Variants in ADGRV1 observed in about 807,000 individuals in gnomAD.
ADGRV1 encodes the protein adhesion G protein-coupled receptor V1.
In ADGRV1, 359 loss-of-function variants were observed where a neutral mutation model predicts 596.2. The observed-to-expected ratio is 0.60, with a 90% confidence interval of 0.55 to 0.66. The LOEUF (loss-of-function observed/expected upper bound fraction) is 0.66, where lower values mean the gene tolerates loss of function less well. Among genes scored for constraint, ADGRV1 ranks in the 30% least tolerant of loss-of-function variants. The probability of loss-of-function intolerance (pLI) is 0.00; values close to 1 mark genes in which losing one functional copy is unlikely to be tolerated. For synonymous variants in ADGRV1, 2,681 were observed against 2,679.2 expected (o/e 1.00, Z -0.02); for missense variants, 7,274 against 7,575.6 (o/e 0.96, Z 1.48).
At chr5:91,122,190 A>G (rs539018605) in intron 87 of ADGRV1, among the ~76,000 whole-genome samples, 104 of 152,078 alleles carry the variant, frequency 6.8e-4, no homozygotes, top group Non-Finnish European at 1.1e-3. Flanking sequence ...GTTTATAAAT[A>G]CTCTATATGT....
chr5:90,686,581 A>G (rs1351153607), intron 29 of ADGRV1, among the ~76,000 whole-genome samples: 1 of 152,090 alleles, frequency 6.6e-6, no homozygotes, highest in Non-Finnish European at 1.5e-5. Flanking sequence ...TCCATGGTGT[A>G]TATGTGCCAC....
At chr5:90,679,706 C>T in intron 26 of ADGRV1, 77 bp downstream of exon 26, 1 of 880,412 alleles carries the variant, frequency 1.1e-6, no homozygotes. Context: ...ATACTAACCA[C>T]TTATTGACAC....
chr5:90,961,153 G>C (rs1405039915), intron 83 of ADGRV1, among the ~76,000 whole-genome samples: 1 of 152,036 alleles, frequency 6.6e-6, no homozygotes, highest in East Asian at 1.9e-4. Flanking sequence ...GGATAGTCTA[G>C]GTATCTGCCA....
At chr5:91,111,178 C>T in intron 87 of ADGRV1, among the ~76,000 whole-genome samples, 1 of 152,106 alleles carries the variant, frequency 6.6e-6, no homozygotes, top group Non-Finnish European at 1.5e-5. Flanking sequence ...GTCTTAAACA[C>T]ATAAAACATT....
At chr5:91,055,843 A>T (rs911162778) in intron 85 of ADGRV1, among the ~76,000 whole-genome samples, 20 of 152,238 alleles carry the variant, frequency 1.3e-4, no homozygotes, top group African/African-American at 4.8e-4. Context: ...ATGAATTTTA[A>T]ATCATTTTAT....
chr5:90,667,929 A>G (rs1317569833), intron 21 of ADGRV1, among the ~76,000 whole-genome samples: 144 of 152,050 alleles, frequency 9.5e-4, no homozygotes, highest in African/African-American at 3.2e-3. Context: ...CTCGGGGGTC[A>G]GGGGTCAGGC....
At chr5:90,722,053 A>G (rs778508409) in intron 45 of ADGRV1, among the ~76,000 whole-genome samples, 7 of 152,248 alleles carry the variant, frequency 4.6e-5, no homozygotes, top group Non-Finnish European at 7.3e-5. Flanking sequence ...CGAGTGGTTT[A>G]GGAATGGAGG....
In ADGRV1 at chr5:90,568,220, A is replaced by G. The variant is rs151184554; in HGVS notation, c.22+9303A>G. ...GGTGGCAGTTTAGGTTCTTTATTTG[A>G]GATCTTTCCTTTTTTTAATATATGC... On this transcript the variant is annotated intron_variant, in intron 1 of 89. Coordinates refer to ENST00000405460, the MANE Select transcript of ADGRV1 (RefSeq NM_032119.4). 1.3e-3 allele frequency among the ~76,000 whole-genome samples: 191 copies of G among 150,598 alleles called. 3 individuals carry two copies. The East Asian group carries it at 0.033, about 26-fold the overall frequency.
chr5:90,987,946 T>G (rs1780632427), intron 85 of ADGRV1, among the ~76,000 whole-genome samples: 1 of 152,026 alleles, frequency 6.6e-6, no homozygotes, highest in South Asian at 2.1e-4. Flanking sequence ...GAAGTCTAAT[T>G]TTTGTCTCCT....
Position 90,716,520 on chromosome 5 carries a change from A to G in ADGRV1, c.9238A>G (p.Asn3080Asp). ...DDGPGVLSFNNSEHFFLREPT... is the reference protein window; with the variant it reads ...DDGPGVLSFNDSEHFFLREPT... ...CGGCCCTGGAGTTCTATCATTTAAC[A>G]ACAGTGAGCACTTTTTCCTAAGAGA... The change falls in exon 43 of 90, where the codon AAC becomes GAC. Residue 3080 changes from asparagine to aspartate, a missense_variant. Transcript: ENST00000405460. 6.2e-7 allele frequency: 1 copy of G among 1,611,288 alleles called. No individual in the cohort carries two copies. The highest frequency in any genetic ancestry group is 8.5e-7 in the Non-Finnish European group (1 of 1,178,302).
chr5:91,010,602 A>G (rs1470478394), intron 85 of ADGRV1, among the ~76,000 whole-genome samples: 2 of 152,094 alleles, frequency 1.3e-5, no homozygotes. Context: ...AGTACTTTAA[A>G]TGACAGTCAC....
intron 1 of ADGRV1, among the ~76,000 whole-genome samples, chr5:90,611,294 T>C (rs919161260): frequency 6.6e-6 from 1 of 151,964 alleles, no homozygotes; most frequent in Non-Finnish European, 1.5e-5. Flanking sequence ...ATATGATTAC[T>C]AGAATTCAAG....
At chr5:90,602,251 G>A (rs940362451) in intron 1 of ADGRV1, among the ~76,000 whole-genome samples, 1 of 152,174 alleles carries the variant, frequency 6.6e-6, no homozygotes, top group Non-Finnish European at 1.5e-5. Flanking sequence ...ATAGATGGAA[G>A]GAAGTAAGTT....
At chr5:90,896,267 G>GTTT (rs547252109) in intron 83 of ADGRV1, among the ~76,000 whole-genome samples, 2,306 of 84,826 alleles carry the variant, frequency 0.027, 147 homozygotes, top group Middle Eastern at 0.044. Flanking sequence ...GTGACCAGTG[G>GTTT]TTTTTTTTTT....
intron 87 of ADGRV1, among the ~76,000 whole-genome samples, chr5:91,102,936 CT>C (rs1330577721): frequency 1.5e-4 from 23 of 152,174 alleles, no homozygotes; most frequent in Admixed American, 7.2e-4. Context: ...ATGTTGCACC[CT>C]GATATTAACA....
chr5:91,071,068 C>T (rs941669381), intron 85 of ADGRV1, among the ~76,000 whole-genome samples: 2 of 152,054 alleles, frequency 1.3e-5, no homozygotes, highest in Non-Finnish European at 2.9e-5. Context: ...TCCTTTATTT[C>T]CTCTGTTAGG....
Position 91,153,438 on chromosome 5 carries a change from C to G in ADGRV1, c.18802+40C>G, listed in dbSNP as rs148114385. 3.2e-4 allele frequency: 451 copies of G among 1,393,280 alleles called. 4 individuals carry two copies. In the East Asian group the frequency reaches 8.6e-3, roughly 27 times the overall value. 86.3% of individuals were successfully genotyped at this position (1,393,280 alleles called of 1,614,324 possible). A position where few individuals can be genotyped will look rare whatever the true frequency, so the allele number is the denominator to read the frequency against. The stretch of plus-strand genomic sequence containing the variant: ...ATGAACGACATTAGAAGTAGGCACT[C>G]TTGCTATGTTACAATTTATATTTTC... On this transcript the variant is annotated intron_variant, in intron 89 of 89. Transcript: ENST00000405460.
At chr5:90,700,810 G>T (rs75917359) in intron 34 of ADGRV1, among the ~76,000 whole-genome samples, 2 of 151,782 alleles carry the variant, frequency 1.3e-5, no homozygotes, top group East Asian at 1.9e-4. Context: ...GTTTTATCCC[G>T]TTTTCTTTTT....
intron 83 of ADGRV1, among the ~76,000 whole-genome samples, chr5:90,913,655 A>G (rs1773096095): frequency 6.6e-6 from 1 of 152,160 alleles, no homozygotes; most frequent in Non-Finnish European, 1.5e-5. Context: ...ATTTAAAGTC[A>G]TAGGCCTAGT....
Sources: gnomAD v4.1 joint callset for allele counts (sites outside exome capture counted in the v4.1 genomes callset) on GRCh38, gnomAD v4.1.1 for gene constraint, MANE v1.5 for transcripts, NCBI Gene and HGNC (gene_info 2026-07-23, HGNC 2026-07-21) for gene names.